The following TAOK3 variants were observed in gnomAD, a reference collection of about 807,000 sequenced individuals.
TAOK3 encodes serine/threonine-protein kinase TAO3.
In TAOK3, 40 loss-of-function variants were observed where a neutral mutation model predicts 120.4. That is an observed-to-expected ratio of 0.33 (90% CI 0.26 to 0.43). The LOEUF (loss-of-function observed/expected upper bound fraction) is 0.43, where lower values mean the gene tolerates loss of function less well. TAOK3 is among the 20% of genes least tolerant of loss of function. The pLI, the probability that TAOK3 is intolerant of heterozygous loss-of-function variation, is 1.00. For synonymous variants in TAOK3, 355 were observed against 387.5 expected, an observed-to-expected ratio of 0.92 and a Z score of 0.99; for missense variants, 821 against 1,112.1, an observed-to-expected ratio of 0.74 and a Z score of 3.72.
intron 1 of TAOK3, among the ~76,000 whole-genome samples, chr12:118,269,092 A>G (rs2041585918): frequency 6.7e-6 from 1 of 149,374 alleles, no homozygotes; most frequent in African/African-American, 2.6e-5. Context: ...AAATCAGGAA[A>G]CATTCATTCC....
intron 1 of TAOK3, among the ~76,000 whole-genome samples, chr12:118,273,871 G>T (rs1468072768): frequency 2.0e-5 from 3 of 152,026 alleles, no homozygotes; most frequent in Non-Finnish European, 4.4e-5. Flanking sequence ...AGATGAAGCT[G>T]GTATAAGAAG....
At chr12:118,287,235 A>C (rs922280137) in intron 1 of TAOK3, among the ~76,000 whole-genome samples, 4 of 152,148 alleles carry the variant, frequency 2.6e-5, no homozygotes, top group South Asian at 2.1e-4. Context: ...AATTAAATTA[A>C]ATTTAAAAAA....
intron 1 of TAOK3, among the ~76,000 whole-genome samples, chr12:118,297,374 T>C (rs2042723040): frequency 2.6e-5 from 4 of 152,246 alleles, no homozygotes; most frequent in African/African-American, 9.6e-5. Flanking sequence ...CTGCTTTCTA[T>C]GTCATTCTCT....
At chr12:118,232,871 C>T (rs1056003109) in intron 9 of TAOK3, among the ~76,000 whole-genome samples, 7 of 152,074 alleles carry the variant, frequency 4.6e-5, no homozygotes, top group Non-Finnish European at 5.9e-5. Flanking sequence ...TGCCACTGCA[C>T]TCCAGCCTGG....
Position 118,199,312 on chromosome 12 carries a change from C to T in TAOK3, c.988-55G>A, listed in dbSNP as rs541277581. ...AAAAGACTGAAGATAAAGAGTCAAT[C>T]CATTGACAAAAGTGTCAAGCACACT... On this transcript the variant is annotated intron_variant, in intron 12 of 20. Coordinates refer to ENST00000392533, the MANE Select transcript of TAOK3 (RefSeq NM_016281.4). 37 of 1,407,840 alleles carry T rather than the reference C, an allele frequency of 2.6e-5. No individual in the cohort carries two copies. In the South Asian group the frequency reaches 4.0e-4, roughly 15 times the overall value. The allele number at this position is 1,407,840 out of a possible 1,614,324, so 87.2% of individuals were successfully genotyped here. A position where few individuals can be genotyped will look rare whatever the true frequency, so the allele number is the denominator to read the frequency against.
At chr12:118,191,561 T>C (rs2037431579) in intron 13 of TAOK3, among the ~76,000 whole-genome samples, 1 of 152,194 alleles carries the variant, frequency 6.6e-6, no homozygotes. Context: ...AGTGGTGCCA[T>C]ATTGGTGGCT....
intron 1 of TAOK3, among the ~76,000 whole-genome samples, chr12:118,299,789 C>T (rs1004198320): frequency 1.1e-4 from 16 of 151,884 alleles, no homozygotes; most frequent in Admixed American, 6.6e-4. Context: ...GAATTACAGG[C>T]GTGAGCCACC....
chr12:118,345,481 G>A (rs2044816709), intron 1 of TAOK3, among the ~76,000 whole-genome samples: 1 of 152,116 alleles, frequency 6.6e-6, no homozygotes, highest in South Asian at 2.1e-4. Flanking sequence ...GAGAAGACTT[G>A]TAGCAGGAGC....
chr12:118,200,741 C>A (rs1405703572), intron 12 of TAOK3: 1 of 152,258 alleles, frequency 6.6e-6, no homozygotes, highest in Non-Finnish European at 1.5e-5. Context: ...CTCCTAGCCA[C>A]CCAGGCTCCA....
At chr12:118,342,950 A>AAG (rs1389044196) in intron 1 of TAOK3, among the ~76,000 whole-genome samples, 1 of 150,456 alleles carries the variant, frequency 6.6e-6, no homozygotes, top group East Asian at 1.9e-4. Context: ...AAAAAAAAAA[A>AAG]AAAAAAAAGA....
At chr12:118,226,721 T>A (rs532752774) in intron 9 of TAOK3, among the ~76,000 whole-genome samples, 1 of 152,212 alleles carries the variant, frequency 6.6e-6, no homozygotes, top group African/African-American at 2.4e-5. Flanking sequence ...GGGAGAAGGC[T>A]ACTTTGTCCT....
At chr12:118,220,992 C>T (rs1010984345) in intron 9 of TAOK3, among the ~76,000 whole-genome samples, 8 of 152,200 alleles carry the variant, frequency 5.3e-5, no homozygotes, top group African/African-American at 1.9e-4. Context: ...CAAGGGCTGG[C>T]AAACTATGGC....
rs1363140807 is a variant in TAOK3, at chr12:118,322,669, C to T, written c.-194+49979G>A. 2.0e-5 allele frequency among the ~76,000 whole-genome samples: 3 copies of T among 147,882 alleles called. No homozygotes were observed. The East Asian group carries it at 5.9e-4, about 29-fold the overall frequency. ...TCGTATAATTTTCCCATGTCAAGAACTATCATTCTTGTGATTTTTTTCCCC... is the reference window on the plus strand; with the variant it reads ...TCGTATAATTTTCCCATGTCAAGAATTATCATTCTTGTGATTTTTTTCCCC... On this transcript the variant is annotated intron_variant, in intron 1 of 20. Coordinates refer to ENST00000392533, the MANE Select transcript of TAOK3 (RefSeq NM_016281.4).
chr12:118,201,622 T>C (rs1375201823), intron 11 of TAOK3, among the ~76,000 whole-genome samples, 159 bp from the exon 12 acceptor site: 1 of 152,208 alleles, frequency 6.6e-6, no homozygotes, highest in Non-Finnish European at 1.5e-5. Context: ...CCATATTTTG[T>C]AAATCTCATA....
In TAOK3 at chr12:118,371,006, G is replaced by A. The variant is rs2045877201; in HGVS notation, c.-194+1642C>T. 6.6e-6 allele frequency among the ~76,000 whole-genome samples: 1 copy of A among 152,174 alleles called. No homozygotes were observed. Reference sequence around the variant, plus strand: ...CTCCAAAACCTCTTTTGAAAATTTAGTTTGACCTTCCAACTATCTCCAACA... The same window carrying A: ...CTCCAAAACCTCTTTTGAAAATTTAATTTGACCTTCCAACTATCTCCAACA... On this transcript the variant is annotated intron_variant, in intron 1 of 20. Coordinates refer to ENST00000392533, the MANE Select transcript of TAOK3 (RefSeq NM_016281.4). The surrounding 1 kb of genome is among the most constrained non-coding windows in gnomAD (Gnocchi z 5.5).
intron 11 of TAOK3, among the ~76,000 whole-genome samples, chr12:118,211,085 C>T (rs766510473): frequency 1.3e-5 from 2 of 152,156 alleles, no homozygotes; most frequent in Non-Finnish European, 2.9e-5. Context: ...AGGGCAGGCA[C>T]TATGTTTTTA....
intron 3 of TAOK3, among the ~76,000 whole-genome samples, chr12:118,254,594 T>A (rs1216592853): frequency 6.6e-6 from 1 of 152,188 alleles, no homozygotes; most frequent in Non-Finnish European, 1.5e-5. Flanking sequence ...AAGGGTATCT[T>A]GCAAAAGTAA....
chr12:118,227,963 T>G (rs912128089), intron 9 of TAOK3, among the ~76,000 whole-genome samples: 1 of 152,198 alleles, frequency 6.6e-6, no homozygotes, highest in African/African-American at 2.4e-5. Flanking sequence ...GTGTAAAATT[T>G]TGTAGAATAT....
chr12:118,260,697 T>A (rs74574629), intron 2 of TAOK3, among the ~76,000 whole-genome samples: 8,192 of 152,226 alleles, frequency 0.054, 454 homozygotes, highest in East Asian at 0.25. Context: ...TGTCATTATT[T>A]TGAGATGGAG....
Sources: gnomAD v4.1 joint callset for allele counts (sites outside exome capture counted in the v4.1 genomes callset) on GRCh38, gnomAD v4.1.1 for gene constraint, Gnocchi (gnomAD v3.1) non-coding constraint, MANE v1.5 for transcripts, NCBI Gene and HGNC (gene_info 2026-07-23, HGNC 2026-07-21) for gene names.